RASSF3: variants seen among roughly 807,000 people sequenced by gnomAD.
RASSF3 encodes the protein ras association domain-containing protein 3.
A neutral mutation model predicts 19.9 loss-of-function variants in RASSF3; 19 were observed. The ratio of observed to expected loss-of-function variants is 0.96; its 90% CI spans 0.67 to 1.40. The LOEUF (loss-of-function observed/expected upper bound fraction) is 1.40. Among genes scored for constraint, RASSF3 ranks in the 40% most tolerant of loss-of-function variants. RASSF3 has a pLI of 0.00. For missense variants in RASSF3, 306 were observed against 289.8 expected, an observed-to-expected ratio of 1.06 and a Z score of -0.41; for synonymous variants, 110 against 104.2, an observed-to-expected ratio of 1.06 and a Z score of -0.34.
At chr12:64,529,728 T>A (rs1483555148), upstream of RASSF3, among the ~76,000 whole-genome samples, 1 of 152,168 alleles carries the variant, frequency 6.6e-6, no homozygotes, top group African/African-American at 2.4e-5. Context: ...TCTATTGAGA[T>A]AGATTTCTTA....
At chr12:64,630,892 C>G (rs1299005546) in intron 1 of RASSF3, among the ~76,000 whole-genome samples, 1 of 152,084 alleles carries the variant, frequency 6.6e-6, no homozygotes, top group Admixed American at 6.5e-5. Context: ...AAGACACATT[C>G]AGGCAATCAA....
At chr12:64,534,655 T>A (rs1868783057) in intron 1 of RASSF3, among the ~76,000 whole-genome samples, 1 of 152,216 alleles carries the variant, frequency 6.6e-6, no homozygotes, top group East Asian at 1.9e-4. Context: ...AGCAGGTATA[T>A]GTGTGTGTAT....
At chr12:64,692,842 G>T (rs989287753) in intron 4 of RASSF3, among the ~76,000 whole-genome samples, 2 of 152,060 alleles carry the variant, frequency 1.3e-5, no homozygotes, top group Admixed American at 6.5e-5. Context: ...CTCCCAAAGT[G>T]CTGGGATTAC....
At chr12:64,586,198 C>A (rs1160783447) in intron 2 of RASSF3, among the ~76,000 whole-genome samples, 3 of 151,966 alleles carry the variant, frequency 2.0e-5, no homozygotes, top group African/African-American at 7.3e-5. Flanking sequence ...GTGGCGGGCG[C>A]CTGTAATCCC....
chr12:64,555,046 C>A (rs1349840458), intron 2 of RASSF3, among the ~76,000 whole-genome samples: 1 of 151,918 alleles, frequency 6.6e-6, no homozygotes, highest in African/African-American at 2.4e-5. Context: ...GAGTCCAAGA[C>A]CAGCCTGGCC....
upstream of RASSF3, among the ~76,000 whole-genome samples, chr12:64,609,030 T>A (rs1870246210): frequency 1.3e-5 from 2 of 152,154 alleles, no homozygotes; most frequent in Admixed American, 6.5e-5. Context: ...ATATACTAGT[T>A]TACAAGATGG....
intron 1 of RASSF3, among the ~76,000 whole-genome samples, chr12:64,634,903 T>G (rs1871282573): frequency 6.6e-6 from 1 of 151,884 alleles, no homozygotes; most frequent in Non-Finnish European, 1.5e-5. Flanking sequence ...AGTACAAGTT[T>G]ATTTTGGTGC....
chr12:64,560,629 C>T (rs1383616672), intron 2 of RASSF3, among the ~76,000 whole-genome samples: 3 of 152,204 alleles, frequency 2.0e-5, no homozygotes, highest in Non-Finnish European at 2.9e-5. Context: ...ATCCTCTTAG[C>T]CTACTGGGCA....
intron 1 of RASSF3, among the ~76,000 whole-genome samples, chr12:64,655,750 G>C (rs1199060800): frequency 2.6e-5 from 4 of 152,056 alleles, no homozygotes; most frequent in African/African-American, 7.2e-5. Flanking sequence ...ATTTGGGCCG[G>C]GTGCAGTAGC....
At position 64,641,417 on chromosome 12, in the gene RASSF3, C is replaced by CGCGCGCGT. The variant is rs1565858536; in HGVS notation, c.111+30681_111+30682insTGCGCGCG. Among the ~76,000 whole-genome samples, 706 of 147,206 alleles carry CGCGCGCGT rather than the reference C, an allele frequency of 4.8e-3. 12 individuals are homozygous for CGCGCGCGT. Among genetic ancestry groups the CGCGCGCGT allele is most frequent in the African/African-American group, 0.016 (657 of 40,002 alleles). On this transcript the variant is annotated intron_variant, in intron 1 of 4. Coordinates refer to ENST00000542104, the MANE Select transcript of RASSF3 (RefSeq NM_178169.4). ...TCTCACAGGCGCACACACACACACG[C>CGCGCGCGT]GCGCGCGCGCGTTGAAAACAAATGA...
intron 1 of RASSF3, among the ~76,000 whole-genome samples, chr12:64,538,812 G>A (rs1488329323): frequency 6.6e-6 from 1 of 152,178 alleles, no homozygotes; most frequent in African/African-American, 2.4e-5. Context: ...GGGAGGCTGA[G>A]ACGGGAGGAT....
chr12:64,667,100 G>A (rs929061215), intron 1 of RASSF3, among the ~76,000 whole-genome samples: 2 of 152,076 alleles, frequency 1.3e-5, no homozygotes, highest in African/African-American at 2.4e-5. Flanking sequence ...CAAGAAATGG[G>A]GGGGTGTGGA....
chr12:64,608,361 C>T (rs1309072002), upstream of RASSF3, among the ~76,000 whole-genome samples: 4 of 152,132 alleles, frequency 2.6e-5, no homozygotes, highest in African/African-American at 7.2e-5. Context: ...GCTCTTGTCG[C>T]CCAGACTGGA....
chr12:64,522,673 G>A (rs1004556830), intron 1 of RASSF3, among the ~76,000 whole-genome samples: 1 of 151,962 alleles, frequency 6.6e-6, no homozygotes, highest in Admixed American at 6.6e-5. Flanking sequence ...TTGTGTGCCA[G>A]GAGTCTCAAC....
chr12:64,597,003 G>T (rs916771065), intron 2 of RASSF3, among the ~76,000 whole-genome samples: 5 of 152,168 alleles, frequency 3.3e-5, no homozygotes, highest in African/African-American at 9.6e-5. Flanking sequence ...TCAACCTCAG[G>T]TGATCCACCC....
intron 1 of RASSF3, among the ~76,000 whole-genome samples, chr12:64,673,031 G>A (rs541802636): frequency 1.4e-4 from 22 of 152,192 alleles, no homozygotes; most frequent in Admixed American, 5.9e-4. Context: ...TGTCTGGCTC[G>A]CCTCCAAATG....
chr12:64,619,413 A>C (rs1870667308), intron 1 of RASSF3, among the ~76,000 whole-genome samples: 1 of 152,092 alleles, frequency 6.6e-6, no homozygotes, highest in Non-Finnish European at 1.5e-5. Context: ...TAAGGACAGA[A>C]GAGGGCTCAT....
chr12:64,576,781 G>A (rs759147552), intron 2 of RASSF3, among the ~76,000 whole-genome samples: 1 of 148,572 alleles, frequency 6.7e-6, no homozygotes, highest in African/African-American at 2.5e-5. Flanking sequence ...AGCCTGGGAG[G>A]TTGAGGCTGT....
chr12:64,520,555 C>CACATATATATAT lies in RASSF3; in HGVS notation c.169+13227_169+13228insCATATATATATA, dbSNP rs1435123674. 2.0e-3 allele frequency among the ~76,000 whole-genome samples: 173 copies of CACATATATATAT among 86,122 alleles called. 1 individual carries two copies. Among genetic ancestry groups the CACATATATATAT allele is most frequent in the East Asian group, 6.8e-3 (15 of 2,210 alleles). 56.5% of individuals were successfully genotyped at this position (86,122 alleles called of 152,430 possible). A position where few individuals can be genotyped will look rare whatever the true frequency, so the allele number is the denominator to read the frequency against. On this transcript the variant is annotated intron_variant, in intron 1 of 5. Transcript: ENST00000637125. Reference sequence around the variant, plus strand: ...ACACACACAGATACACACATACACACATATATATATATATATATATATATA... The same window carrying CACATATATATAT: ...ACACACACAGATACACACATACACACACATATATATATATATATATATATATATATATATATA...
Sources: gnomAD v4.1 joint callset for allele counts (sites outside exome capture counted in the v4.1 genomes callset) on GRCh38, gnomAD v4.1.1 for gene constraint, MANE v1.5 for transcripts, NCBI Gene and HGNC (gene_info 2026-07-23, HGNC 2026-07-21) for gene names.